The following NEK11 variants were observed in gnomAD, a reference collection of about 807,000 sequenced individuals.
The protein encoded by NEK11 is NIMA related kinase 11, also known as serine/threonine-protein kinase Nek11.
Under a neutral mutation model 80.7 loss-of-function variants are expected in NEK11, and 72 were observed. The ratio of observed to expected loss-of-function variants is 0.89; its 90% confidence interval spans 0.74 to 1.08. NEK11 has a LOEUF of 1.08. Ranked by LOEUF, NEK11 falls within the 50% of genes least tolerant of loss-of-function variation. The pLI, the probability that NEK11 is intolerant of heterozygous loss-of-function variation, is 0.00. For missense variants in NEK11, 764 were observed against 763.6 expected (o/e 1.00, Z -0.01); for synonymous variants, 251 against 260.7 (o/e 0.96, Z 0.36).
At chr3:131,250,063 T>C (rs1378181424) in intron 16 of NEK11, among the ~76,000 whole-genome samples, 2 of 151,950 alleles carry the variant, frequency 1.3e-5, no homozygotes, top group Non-Finnish European at 2.9e-5. Flanking sequence ...ATTACCTCTG[T>C]GAAGCAAATC....
At chr3:131,181,000 T>TA (rs1354946467) in intron 14 of NEK11, among the ~76,000 whole-genome samples, 1 of 152,182 alleles carries the variant, frequency 6.6e-6, no homozygotes, top group Non-Finnish European at 1.5e-5. Flanking sequence ...GTTACTATTG[T>TA]AGGAAGAAGA....
intron 17 of NEK11, among the ~76,000 whole-genome samples, chr3:131,291,957 A>G (rs529159525): frequency 1.3e-5 from 2 of 152,304 alleles, no homozygotes; most frequent in African/African-American, 4.8e-5. Context: ...CTTGCTCTCA[A>G]AAATCATGCC....
chr3:131,215,575 G>C (rs1042492969), intron 14 of NEK11, among the ~76,000 whole-genome samples: 1 of 152,146 alleles, frequency 6.6e-6, no homozygotes, highest in African/African-American at 2.4e-5. Context: ...TGGTGTAAAA[G>C]AAGGCAGAAA....
chr3:131,087,074 A>G (rs1294494233), intron 4 of NEK11, among the ~76,000 whole-genome samples: 1 of 152,124 alleles, frequency 6.6e-6, no homozygotes, highest in Non-Finnish European at 1.5e-5. Flanking sequence ...GTAGATTTTC[A>G]ATAATGAAAG....
chr3:131,031,963 A>AT (rs2064917507), intron 3 of NEK11, among the ~76,000 whole-genome samples: 1 of 144,608 alleles, frequency 6.9e-6, no homozygotes, highest in Non-Finnish European at 1.5e-5. Context: ...TAAATTAATC[A>AT]GTTTTTTTTT....
intron 15 of NEK11, among the ~76,000 whole-genome samples, chr3:131,229,805 A>G (rs1240638065): frequency 1.3e-5 from 2 of 152,126 alleles, no homozygotes; most frequent in Non-Finnish European, 2.9e-5. Flanking sequence ...ATGAAGAGAA[A>G]GGATTAGAGA....
intron 4 of NEK11, among the ~76,000 whole-genome samples, chr3:131,108,007 T>G (rs2079467089): frequency 6.6e-6 from 1 of 152,122 alleles, no homozygotes; most frequent in Admixed American, 6.6e-5. Flanking sequence ...AATGATAGTC[T>G]TTTAGACAAG....
At chr3:131,236,235 T>C (rs1343364947) in intron 15 of NEK11, among the ~76,000 whole-genome samples, 1 of 152,128 alleles carries the variant, frequency 6.6e-6, no homozygotes, top group Non-Finnish European at 1.5e-5. Context: ...AAGGATTGAT[T>C]AGAGGTAGCT....
At chr3:131,256,078 A>C (rs2095810373) in intron 16 of NEK11, among the ~76,000 whole-genome samples, 1 of 152,204 alleles carries the variant, frequency 6.6e-6, no homozygotes, top group Admixed American at 6.5e-5. Context: ...GAAGATAAGA[A>C]GAGATTGGTC....
intron 14 of NEK11, among the ~76,000 whole-genome samples, chr3:131,214,680 C>T (rs867139652): frequency 7.7e-6 from 1 of 129,264 alleles, no homozygotes; most frequent in Non-Finnish European, 1.6e-5. Flanking sequence ...ATTTCTGTCA[C>T]GTGAATGTGC....
intron 14 of NEK11, among the ~76,000 whole-genome samples, chr3:131,219,571 G>A (rs2094953293): frequency 6.8e-6 from 1 of 147,182 alleles, no homozygotes; most frequent in Non-Finnish European, 1.5e-5. Context: ...AAAAAAAAGA[G>A]GAATAAGAGA....
chr3:131,187,494 A>T (rs571899914), intron 14 of NEK11, among the ~76,000 whole-genome samples: 56 of 152,302 alleles, frequency 3.7e-4, no homozygotes, highest in African/African-American at 1.3e-3. Flanking sequence ...CCTTGGAATG[A>T]GGGATTGGTT....
chr3:131,189,561 A>G (rs1233374893), intron 14 of NEK11, among the ~76,000 whole-genome samples: 3 of 152,208 alleles, frequency 2.0e-5, no homozygotes, highest in South Asian at 2.1e-4. Flanking sequence ...TTCTAATATC[A>G]TCACATTGGT....
chr3:131,253,788 T>C (rs2095754134), intron 16 of NEK11, among the ~76,000 whole-genome samples: 1 of 152,192 alleles, frequency 6.6e-6, no homozygotes, highest in East Asian at 1.9e-4. Context: ...TTAACTTCAA[T>C]GAAACCATAA....
chr3:131,193,468 A>T (rs183393524), intron 14 of NEK11, among the ~76,000 whole-genome samples: 1 of 152,300 alleles, frequency 6.6e-6, no homozygotes, highest in East Asian at 1.9e-4. Flanking sequence ...ATATTACAGG[A>T]TATCATGAAT....
rs182912769 is a variant in NEK11 at position 131,147,414 on chromosome 3, C to T, written c.648-4974C>T. On this transcript the variant is annotated intron_variant, in intron 7 of 17. Coordinates refer to ENST00000383366, the MANE Select transcript of NEK11 (RefSeq NM_024800.5). ...TGTTTTTGAGCCCTCTATTTGATTGCATTGGTGTATATTTTTTCTTCTTTG... is the reference window on the plus strand; with the variant it reads ...TGTTTTTGAGCCCTCTATTTGATTGTATTGGTGTATATTTTTTCTTCTTTG... Among the ~76,000 whole-genome samples the T allele has an allele frequency of 4.9e-4, 74 of 152,074 alleles. No individual in the cohort carries two copies. The East Asian group carries it at 7.9e-3, about 16-fold the overall frequency.
At chr3:131,028,283 C>T (rs972884376) in intron 2 of NEK11, among the ~76,000 whole-genome samples, 6 of 152,088 alleles carry the variant, frequency 3.9e-5, no homozygotes, top group African/African-American at 1.4e-4. Flanking sequence ...TGGTTAATTG[C>T]CCTAGTAGTT....
chr3:131,257,995 A>G (rs913881469), intron 16 of NEK11, among the ~76,000 whole-genome samples: 3 of 152,174 alleles, frequency 2.0e-5, no homozygotes, highest in Non-Finnish European at 4.4e-5. Context: ...CATAAAAAAG[A>G]ACAAAATAAT....
rs777381809 is a variant in NEK11 at position 131,029,751 on chromosome 3, A to T, written c.43A>T (p.Thr15Ser). 4.3e-6 allele frequency: 7 copies of T among 1,614,062 alleles called. No homozygotes were observed. The highest frequency in any genetic ancestry group is 5.9e-6 in the Non-Finnish European group (7 of 1,179,980). The change falls in exon 3 of 18, where the codon ACA becomes TCA. Residue 15 changes from threonine to serine, a missense_variant. Transcript: ENST00000383366. The stretch of plus-strand genomic sequence containing the variant: ...GGCAGCTAAGTGTGTGAGTGGATCA[A>T]CAGCCATTTCCACTTATCCAAAGAC... Reference protein sequence around the residue: ...QEAAKCVSGSTAISTYPKTLI... With the variant: ...QEAAKCVSGSSAISTYPKTLI...
Sources: allele counts gnomAD v4.1 joint callset (sites outside exome capture counted in the v4.1 genomes callset), GRCh38; gene constraint gnomAD v4.1.1; transcripts MANE v1.5; gene names NCBI Gene and HGNC (gene_info 2026-07-23, HGNC 2026-07-21).